WDR37: variants seen among roughly 807,000 people sequenced by gnomAD.
The protein encoded by WDR37 is WD repeat-containing protein 37.
WDR37 carries 19 observed loss-of-function variants against 62.9 expected under a neutral mutation model. That is an observed-to-expected ratio of 0.30 (90% CI 0.21 to 0.44). The LOEUF is 0.44. Ranked by LOEUF, WDR37 falls within the 20% of genes least tolerant of loss-of-function variation. The pLI is 1.00. For synonymous variants in WDR37, 250 were observed against 260.9 expected (o/e 0.96, Z 0.40); for missense variants, 474 against 657.6 (o/e 0.72, Z 3.05).
At position 1,131,692 on chromosome 10, in the gene WDR37, G is replaced by GTGCA. The variant is rs1046834411; in HGVS notation, c.*2350_*2351insCATG. ...AGACAAGATCGGGGATGGTGTGTGTGTGTGTGTGTGTGTGTGTGTGCACGT... is the reference window on the plus strand; with the variant it reads ...AGACAAGATCGGGGATGGTGTGTGTGTGCATGTGTGTGTGTGTGTGTGTGCACGT... On this transcript the variant is annotated 3_prime_UTR_variant, in exon 14 of 14. Transcript: ENST00000263150. The GTGCA allele has an allele frequency of 1.4e-5, 1 of 70,198 alleles. No individual in the cohort carries two copies. The highest frequency in any genetic ancestry group is 4.9e-4 in the East Asian group (1 of 2,054). 4.3% of individuals were successfully genotyped at this position (70,198 alleles called of 1,614,324 possible).
intron 6 of WDR37, 79 bp from the exon 7 acceptor site, chr10:1,086,206 AG>A: frequency 8.7e-7 from 1 of 1,146,580 alleles, no homozygotes; most frequent in Admixed American, 1.9e-5. Flanking sequence ...CCATTTTTAG[AG>A]TATTTGTCTT....
At chr10:1,059,894 G>A (rs184477602) in intron 1 of WDR37, among the ~76,000 whole-genome samples, 1 of 152,208 alleles carries the variant, frequency 6.6e-6, no homozygotes, top group Non-Finnish European at 1.5e-5. Context: ...ACGCAGGCTG[G>A]AGTGCAGCGG....
chr10:1,077,254 G>T (rs1284302036), intron 2 of WDR37, among the ~76,000 whole-genome samples: 3 of 152,202 alleles, frequency 2.0e-5, no homozygotes, highest in Admixed American at 6.5e-5. Context: ...ACTTGACAAT[G>T]TAGCTCCTTC....
intron 3 of WDR37, 144 bp from the exon 4 acceptor site, chr10:1,079,867 A>T: frequency 4.7e-6 from 3 of 638,260 alleles, no homozygotes; most frequent in Non-Finnish European, 7.9e-6. Flanking sequence ...ATGAATTGTG[A>T]TCTTGCTTAT....
At chr10:1,084,265 G>A (rs910590067) in intron 5 of WDR37, 138 bp from the exon 6 acceptor site, 7 of 1,145,200 alleles carry the variant, frequency 6.1e-6, no homozygotes, top group South Asian at 1.5e-5. Flanking sequence ...TCACACTTGC[G>A]CTGTGTTCCT....
At chr10:1,110,031 G>A (rs1456207891) in intron 11 of WDR37, among the ~76,000 whole-genome samples, 1 of 152,156 alleles carries the variant, frequency 6.6e-6, no homozygotes, top group East Asian at 1.9e-4. Flanking sequence ...AGACCTGCCC[G>A]GGCCATGCTT....
intron 7 of WDR37, among the ~76,000 whole-genome samples, chr10:1,086,791 G>A (rs1294015069): frequency 1.3e-5 from 2 of 150,202 alleles, no homozygotes; most frequent in Non-Finnish European, 3.0e-5. Context: ...TGCTGTCCAC[G>A]TAGTTAACGC....
chr10:1,083,702 C>T (rs935402326), intron 5 of WDR37, among the ~76,000 whole-genome samples: 2 of 152,212 alleles, frequency 1.3e-5, no homozygotes, highest in Admixed American at 1.3e-4. Context: ...TGTGTGTCGT[C>T]ATTCGAGACG....
rs866352164 is a variant in WDR37 at position 1,096,115 on chromosome 10, G to A, written c.650-55G>A. 7.7e-6 allele frequency: 12 copies of A among 1,567,304 alleles called. 1 individual carries two copies. In the Middle Eastern group the frequency reaches 1.5e-3, roughly 200 times the overall value. On this transcript the variant is annotated intron_variant, in intron 8 of 13. Transcript: ENST00000263150. Reference sequence around the variant, plus strand: ...TGCTTAGCCATAGTGGCGGTGAAGAGCGCATTTTACCATGGTCTGTGCCTT... The same window carrying A: ...TGCTTAGCCATAGTGGCGGTGAAGAACGCATTTTACCATGGTCTGTGCCTT...
chr10:1,075,979 C>T (rs573558595), intron 2 of WDR37, among the ~76,000 whole-genome samples: 1 of 152,162 alleles, frequency 6.6e-6, no homozygotes, highest in African/African-American at 2.4e-5. Flanking sequence ...GAAGTTTAAC[C>T]ATGTTGGCCA....
intron 1 of WDR37, among the ~76,000 whole-genome samples, chr10:1,063,968 A>G (rs1481495303): frequency 1.3e-5 from 2 of 152,218 alleles, no homozygotes; most frequent in African/African-American, 2.4e-5. Flanking sequence ...CTCAGTAAGA[A>G]AAGACCACTG....
chr10:1,057,919 G>A (rs1242972503), intron 1 of WDR37, among the ~76,000 whole-genome samples: 16 of 152,184 alleles, frequency 1.1e-4, no homozygotes, highest in African/African-American at 3.9e-4. Flanking sequence ...ATTTACCTCT[G>A]AATGAGAAAG....
rs899137477 is a variant in WDR37, at chr10:1,066,196, A to T, written c.-40-5920A>T. On this transcript the variant is annotated intron_variant, in intron 1 of 13. Transcript: ENST00000263150. ...AGTGGCGCGATCTTGGCTCACTGCA[A>T]CCTCCGCCTCCCGGGTTGATGCCAT... is the stretch of plus-strand genomic sequence containing the variant. Among the ~76,000 whole-genome samples, 3 of 152,178 alleles carry T rather than the reference A, an allele frequency of 2.0e-5. No homozygotes were observed. The South Asian group carries it at 6.2e-4, about 32-fold the overall frequency.
intron 9 of WDR37, among the ~76,000 whole-genome samples, chr10:1,099,079 TG>T (rs1834701510): frequency 6.6e-6 from 1 of 152,252 alleles, no homozygotes; most frequent in East Asian, 1.9e-4. Flanking sequence ...TAACAAAAGA[TG>T]TGTATTGAGA....
rs996756815 is a variant in WDR37 at position 1,132,038 on chromosome 10, A to G, written c.*2694A>G. 7 of 152,618 alleles carry G rather than the reference A, an allele frequency of 4.6e-5. No homozygotes were observed. Among genetic ancestry groups the G allele is most frequent in the African/African-American group, 7.2e-5 (3 of 41,424 alleles). The allele number at this position is 152,618 out of a possible 1,614,324, so 9.5% of individuals were successfully genotyped here. ...TGAAAAACATATTTCTTTGGAGGAA[A>G]ATGTATGCATTTATAAGTGTTCCAT... is the stretch of plus-strand genomic sequence containing the variant. On this transcript the variant is annotated 3_prime_UTR_variant, in exon 14 of 14. Transcript: ENST00000263150.
In WDR37 at chr10:1,108,678, G is replaced by T. The variant is rs150348876; in HGVS notation, c.1103+3411G>T. Among the ~76,000 whole-genome samples the T allele has an allele frequency of 7.8e-3, 1,160 of 149,480 alleles. 18 individuals are homozygous for T. The highest frequency in any genetic ancestry group is 8.7e-3 in the Non-Finnish European group (589 of 67,922). ...TGAGTATTAGCGAGCATAGACACCTGCACTTTGTTGGTGTTGGTGGTTGTG... is the reference window on the plus strand; with the variant it reads ...TGAGTATTAGCGAGCATAGACACCTTCACTTTGTTGGTGTTGGTGGTTGTG... On this transcript the variant is annotated intron_variant, in intron 11 of 13. Coordinates refer to ENST00000263150, the MANE Select transcript of WDR37 (RefSeq NM_014023.4).
rs56220560 is a variant in WDR37, at chr10:1,092,872, C to CAAAAAAAAAAAAAAAAAAAAAA, written c.605-575_605-554dup. ...GCAACCAGAGCAAGACCCTATCTCA[C>CAAAAAAAAAAAAAAAAAAAAAA]AAAAAAAAAAAAAAAAAAAAAAAAA... On this transcript the variant is annotated intron_variant, in intron 7 of 13. Coordinates refer to ENST00000263150, the MANE Select transcript of WDR37 (RefSeq NM_014023.4). 6.7e-4 allele frequency among the ~76,000 whole-genome samples: 28 copies of CAAAAAAAAAAAAAAAAAAAAAA among 41,972 alleles called. 2 individuals are homozygous for CAAAAAAAAAAAAAAAAAAAAAA. Among genetic ancestry groups the CAAAAAAAAAAAAAAAAAAAAAA allele is most frequent in the East Asian group, 2.9e-3 (3 of 1,040 alleles). The allele number at this position is 41,972 out of a possible 152,430, so 27.5% of individuals were successfully genotyped here. A position where few individuals can be genotyped will look rare whatever the true frequency, so the allele number is the denominator to read the frequency against.
chr10:1,080,120 C>T lies in WDR37; in HGVS notation c.331+14C>T. The T allele has an allele frequency of 6.2e-7, 1 of 1,613,280 alleles. No homozygotes were observed. The highest frequency in any genetic ancestry group is 8.5e-7 in the Non-Finnish European group (1 of 1,179,410). ...TCAAAACAAAAGGTAAGGTGAATCC[C>T]ATGAAAGTCTTGTCCTGCAGATTAT... On this transcript the variant is annotated intron_variant, in intron 4 of 13. Transcript: ENST00000263150.
intron 11 of WDR37, among the ~76,000 whole-genome samples, chr10:1,117,516 C>T (rs1159392102): frequency 6.6e-6 from 1 of 152,192 alleles, no homozygotes; most frequent in Non-Finnish European, 1.5e-5. Flanking sequence ...GCGTTTGAAT[C>T]GCTCTACTGG....
Sources: gnomAD v4.1 joint callset for allele counts (sites outside exome capture counted in the v4.1 genomes callset) on GRCh38, gnomAD v4.1.1 for gene constraint, MANE v1.5 for transcripts, NCBI Gene and HGNC (gene_info 2026-07-23, HGNC 2026-07-21) for gene names.